The following ME1 variants were observed in gnomAD, a reference collection of about 807,000 sequenced individuals.
ME1 encodes malic enzyme 1, also known as NADP-dependent malic enzyme.
ME1 carries 74 observed loss-of-function variants against 66.4 expected under a neutral mutation model. The observed-to-expected ratio is 1.11, with a 90% confidence interval of 0.92 to 1.35. The LOEUF (loss-of-function observed/expected upper bound fraction) is 1.35, where lower values mean the gene tolerates loss of function less well. ME1 is among the 40% of genes most tolerant of loss of function. ME1 has a pLI of 0.00. For synonymous variants in ME1, 251 were observed against 235.6 expected, an observed-to-expected ratio of 1.07 and a Z score of -0.60; for missense variants, 750 against 694.1, an observed-to-expected ratio of 1.08 and a Z score of -0.90.
At chr6:83,322,271 C>T (rs988420621) in intron 5 of ME1, among the ~76,000 whole-genome samples, 2 of 152,116 alleles carry the variant, frequency 1.3e-5, no homozygotes, top group African/African-American at 4.8e-5. Context: ...CAACTCCTCA[C>T]CAGCAAGGGA....
At chr6:83,421,599 G>C (rs1461250048) in intron 1 of ME1, among the ~76,000 whole-genome samples, 1 of 152,138 alleles carries the variant, frequency 6.6e-6, no homozygotes, top group African/African-American at 2.4e-5. Flanking sequence ...ATATGGCCTG[G>C]CTTTTTTTTC....
At chr6:83,228,749 C>A in intron 10 of ME1, 77 bp downstream of exon 10, 5 of 938,698 alleles carry the variant, frequency 5.3e-6, no homozygotes, top group African/African-American at 1.8e-5. Flanking sequence ...CTAAATTATA[C>A]CTCAAAAATT....
intron 1 of ME1, among the ~76,000 whole-genome samples, chr6:83,413,921 A>T (rs1770101430): frequency 6.6e-6 from 1 of 152,062 alleles, no homozygotes; most frequent in Admixed American, 6.6e-5. Flanking sequence ...CCAACCTGGG[A>T]AACACAGGGA....
At chr6:83,272,768 T>C (rs1444678516) in intron 6 of ME1, among the ~76,000 whole-genome samples, 1 of 152,226 alleles carries the variant, frequency 6.6e-6, no homozygotes, top group African/African-American at 2.4e-5. Flanking sequence ...CAGGTATATA[T>C]GCAGATAATA....
chr6:83,393,596 C>T (rs1251335052), intron 3 of ME1, among the ~76,000 whole-genome samples: 2 of 131,738 alleles, frequency 1.5e-5, no homozygotes, highest in Non-Finnish European at 3.4e-5. Context: ...CAATAAAATC[C>T]CCTGTGCTTG....
intron 5 of ME1, among the ~76,000 whole-genome samples, chr6:83,317,243 A>G (rs1768053316): frequency 6.6e-6 from 1 of 151,312 alleles, no homozygotes. Flanking sequence ...TAACTTTTTA[A>G]GAAATCTCTG....
At chr6:83,329,976 C>T (rs1768373621) in intron 5 of ME1, among the ~76,000 whole-genome samples, 2 of 152,000 alleles carry the variant, frequency 1.3e-5, no homozygotes, top group Admixed American at 6.6e-5. Context: ...AGGCACCATA[C>T]CTGGCTAATT....
intron 3 of ME1, among the ~76,000 whole-genome samples, chr6:83,381,145 T>A (rs1769386891): frequency 6.6e-6 from 1 of 151,996 alleles, no homozygotes; most frequent in Non-Finnish European, 1.5e-5. Flanking sequence ...CCAGCCGAAA[T>A]TGAACTGTGC....
intron 3 of ME1, among the ~76,000 whole-genome samples, chr6:83,381,865 T>G (rs887591877): frequency 6.6e-6 from 1 of 152,046 alleles, no homozygotes; most frequent in Non-Finnish European, 1.5e-5. Context: ...CTGTCTACTT[T>G]GAATATTCAA....
At chr6:83,252,449 A>G (rs762929602) in intron 7 of ME1, among the ~76,000 whole-genome samples, 1 of 152,066 alleles carries the variant, frequency 6.6e-6, no homozygotes, top group South Asian at 2.1e-4. Context: ...ACAGGCACAC[A>G]CCATCATGCC....
chr6:83,381,861 A>G (rs138770385), intron 3 of ME1, among the ~76,000 whole-genome samples: 21 of 152,134 alleles, frequency 1.4e-4, no homozygotes, highest in African/African-American at 5.1e-4. Flanking sequence ...GATGCTGTCT[A>G]CTTTGAATAT....
At chr6:83,247,477 C>T (rs1477552008) in intron 7 of ME1, among the ~76,000 whole-genome samples, 1 of 151,084 alleles carries the variant, frequency 6.6e-6, no homozygotes, top group Non-Finnish European at 1.5e-5. Context: ...TAAGTATATA[C>T]AATTTTAATC....
chr6:83,408,480 C>G (rs1198561760), intron 1 of ME1, among the ~76,000 whole-genome samples: 4 of 152,184 alleles, frequency 2.6e-5, no homozygotes, highest in Admixed American at 6.5e-5. Context: ...ATATTCTTCC[C>G]TGTTTCTCTG....
intron 1 of ME1, among the ~76,000 whole-genome samples, chr6:83,410,076 CT>C (rs34225794): frequency 6.6e-6 from 1 of 151,756 alleles, no homozygotes; most frequent in Non-Finnish European, 1.5e-5. Flanking sequence ...TTGCCATTTA[CT>C]TTTTTACTTT....
At chr6:83,425,528 A>G (rs1303242764) in intron 1 of ME1, among the ~76,000 whole-genome samples, 2 of 152,112 alleles carry the variant, frequency 1.3e-5, no homozygotes, top group African/African-American at 2.4e-5. Context: ...AAAGGGGGGA[A>G]AGCCCCTTAT....
chr6:83,261,420 A>AT (rs57450786), intron 6 of ME1, among the ~76,000 whole-genome samples: 63,557 of 110,370 alleles, frequency 0.58, 18,537 homozygotes, highest in South Asian at 0.69. Context: ...TCTGTTGGTA[A>AT]TTTTTTTTTT....
At chr6:83,364,095 A>T (rs200208268) in intron 3 of ME1, among the ~76,000 whole-genome samples, 1 of 151,982 alleles carries the variant, frequency 6.6e-6, no homozygotes, top group Admixed American at 6.6e-5. Flanking sequence ...TGCCAAAGGA[A>T]ATTAACATTT....
intron 6 of ME1, among the ~76,000 whole-genome samples, chr6:83,266,678 T>C (rs998822674): frequency 7.2e-5 from 11 of 152,312 alleles, no homozygotes; most frequent in African/African-American, 2.6e-4. Flanking sequence ...TCCAGTGGTA[T>C]TGAAGATATT....
intron 1 of ME1, among the ~76,000 whole-genome samples, chr6:83,419,125 T>C (rs1770215948): frequency 7.7e-6 from 1 of 129,828 alleles, no homozygotes; most frequent in South Asian, 2.2e-4. Flanking sequence ...TCAAACATTA[T>C]CCTAAGTATG....
Sources: gnomAD v4.1 joint callset for allele counts (sites outside exome capture counted in the v4.1 genomes callset) on GRCh38, gnomAD v4.1.1 for gene constraint, MANE v1.5 for transcripts, NCBI Gene and HGNC (gene_info 2026-07-23, HGNC 2026-07-21) for gene names.